The following SMAD2 variants were observed in gnomAD, a reference collection of about 807,000 sequenced individuals.
The protein encoded by SMAD2 is MAD homolog 2.
A neutral mutation model predicts 64.4 loss-of-function variants in SMAD2; 8 were observed. That is an observed-to-expected ratio of 0.12 (90% CI 0.07 to 0.22). SMAD2 has a LOEUF of 0.22. SMAD2 is among the 10% of genes least tolerant of loss of function. The pLI, the probability that SMAD2 is intolerant of heterozygous loss-of-function variation, is 1.00. For missense variants in SMAD2, 289 were observed against 561.2 expected, an observed-to-expected ratio of 0.51 and a Z score of 4.90; for synonymous variants, 203 against 195.8, an observed-to-expected ratio of 1.04 and a Z score of -0.31.
intron 1 of SMAD2, among the ~76,000 whole-genome samples, chr18:47,898,462 C>CA (rs1337432523): frequency 4.6e-5 from 7 of 152,174 alleles, no homozygotes; most frequent in Non-Finnish European, 7.4e-5. Flanking sequence ...AGGAAAAAAA[C>CA]AGTTTTTAAG....
chr18:47,909,635 A>G (rs2034043146), intron 1 of SMAD2, among the ~76,000 whole-genome samples: 3 of 152,168 alleles, frequency 2.0e-5, no homozygotes, highest in African/African-American at 7.2e-5. Flanking sequence ...CCTTCTCTAT[A>G]AAGCTGCTGA....
At chr18:47,849,811 C>T (rs983688874) in intron 7 of SMAD2, among the ~76,000 whole-genome samples, 1 of 151,862 alleles carries the variant, frequency 6.6e-6, no homozygotes, top group Non-Finnish European at 1.5e-5. Flanking sequence ...AGTTTGAGAC[C>T]AGCCTGGGCA....
chr18:47,857,998 A>T (rs2030862714), intron 6 of SMAD2, among the ~76,000 whole-genome samples: 3 of 152,198 alleles, frequency 2.0e-5, no homozygotes, highest in East Asian at 3.8e-4. Flanking sequence ...TTCCAACTCA[A>T]ATCCTAAGGG....
chr18:47,868,133 C>G, intron 5 of SMAD2, 190 bp downstream of exon 5: 1 of 582,196 alleles, frequency 1.7e-6, no homozygotes, highest in East Asian at 2.9e-5. Flanking sequence ...TAAAACTCTT[C>G]TCCAAACAAA....
rs1411265283 is a variant in SMAD2 at position 47,859,951 on chromosome 18, C to G, written c.730+5108G>C. Among the ~76,000 whole-genome samples, 4 of 152,084 alleles carry G rather than the reference C, an allele frequency of 2.6e-5. No homozygotes were observed. The East Asian group carries it at 7.7e-4, about 29-fold the overall frequency. On this transcript the variant is annotated intron_variant, in intron 6 of 10. Coordinates refer to ENST00000262160, the MANE Select transcript of SMAD2 (RefSeq NM_005901.6). ...CAATACATTCTCCAGCCTTGGCAAC[C>G]TGGTGAAATCCTATCTCTAAATAAA...
At chr18:47,927,453 G>A (rs1568124166) in intron 1 of SMAD2, among the ~76,000 whole-genome samples, 1 of 152,222 alleles carries the variant, frequency 6.6e-6, no homozygotes, top group East Asian at 1.9e-4. Context: ...AAACACTGGA[G>A]AATAGGGCAA....
At chr18:47,867,390 T>C (rs1053318567) in intron 5 of SMAD2, 5 of 152,164 alleles carry the variant, frequency 3.3e-5, no homozygotes, top group African/African-American at 1.2e-4. Context: ...GAATAAGCAT[T>C]ATTTCCATGA....
chr18:47,911,140 A>G (rs1414475987), intron 1 of SMAD2, among the ~76,000 whole-genome samples: 1 of 152,018 alleles, frequency 6.6e-6, no homozygotes, highest in Admixed American at 6.6e-5. Flanking sequence ...TCACGAGGTC[A>G]GGCATTCGAG....
At chr18:47,904,722 C>T (rs1364746025) in intron 1 of SMAD2, among the ~76,000 whole-genome samples, 4 of 152,130 alleles carry the variant, frequency 2.6e-5, no homozygotes, top group Admixed American at 6.5e-5. Flanking sequence ...ATTGGTTTAA[C>T]ATTCAAAAAT....
chr18:47,873,217 T>A (rs2032051990), intron 2 of SMAD2, among the ~76,000 whole-genome samples: 3 of 152,054 alleles, frequency 2.0e-5, no homozygotes, highest in Admixed American at 2.0e-4. Flanking sequence ...CCAATCCCCC[T>A]TAGATAGTGA....
chr18:47,898,661 A>ATT (rs36091117), intron 1 of SMAD2, among the ~76,000 whole-genome samples: 14 of 150,688 alleles, frequency 9.3e-5, no homozygotes, highest in South Asian at 2.1e-4. Context: ...TGGAAGAATA[A>ATT]TTTTTTTTTT....
At chr18:47,850,023 T>C (rs1468131420) in intron 7 of SMAD2, among the ~76,000 whole-genome samples, 1 of 149,840 alleles carries the variant, frequency 6.7e-6, no homozygotes, top group Non-Finnish European at 1.5e-5. Context: ...TAAATAAAAA[T>C]AAATACAATT....
chr18:47,918,818 G>T (rs1163880632), intron 1 of SMAD2, among the ~76,000 whole-genome samples: 1 of 152,068 alleles, frequency 6.6e-6, no homozygotes, highest in African/African-American at 2.4e-5. Flanking sequence ...AAGTAGAAAA[G>T]AAAGATGGGA....
rs1912250921 is a variant in SMAD2, at chr18:47,812,945, G to A, written c.*28882C>T. 1 of 152,248 alleles carries A rather than the reference G, an allele frequency of 6.6e-6. No individual in the cohort carries two copies. Among genetic ancestry groups the A allele is most frequent in the African/African-American group, 2.4e-5 (1 of 41,442 alleles). The allele number at this position is 152,248 out of a possible 1,614,324, so 9.4% of individuals were successfully genotyped here. A position where few individuals can be genotyped will look rare whatever the true frequency, so the allele number is the denominator to read the frequency against. On this transcript the variant is annotated 3_prime_UTR_variant, in exon 11 of 11. Coordinates refer to ENST00000262160, the MANE Select transcript of SMAD2 (RefSeq NM_005901.6). ...TTAAACTGGGTTCTGGCCAGGCAGG[G>A]TGACTCACACCTGTAATCCCAGCAG...
chr18:47,865,721 C>T (rs1598797149), intron 5 of SMAD2, among the ~76,000 whole-genome samples: 2 of 152,076 alleles, frequency 1.3e-5, no homozygotes, highest in African/African-American at 4.8e-5. Flanking sequence ...GTGTTTGAAG[C>T]AGAAAATTCA....
chr18:47,865,074 G>C lies in SMAD2; in HGVS notation c.715C>G (p.Gln239Glu). The C allele has an allele frequency of 1.2e-6, 2 of 1,602,578 alleles. No individual in the cohort carries two copies. The highest frequency in any genetic ancestry group is 1.7e-6 in the Non-Finnish European group (2 of 1,169,996). ...TTTTTTTTACCTGTGTCCATACTTT[G>C]ATTCAACTGTTGGTCACTTGTTTCT... The part of the protein sequence containing the change: ...DGETSDQQLN[Q>E]SMDTGSPAEL... Residue 239 changes from glutamine to glutamate, a missense_variant, in exon 6 of 11, where the codon CAA becomes GAA. By Grantham distance (29) the Gln-to-Glu change is conservative. Around this residue, in one of 6 missense-constraint regions of SMAD2, gnomAD observed 119 missense variants for 156.7 expected, o/e 0.76. Transcript: ENST00000262160.
At position 47,813,573 on chromosome 18, in the gene SMAD2, A is replaced by T; in HGVS notation, c.*28254T>A. ...AGGCACACACCACCACACCCGGCTAATTTTCTGCATTTTTAGTACAGATGG... is the reference window on the plus strand; with the variant it reads ...AGGCACACACCACCACACCCGGCTATTTTTCTGCATTTTTAGTACAGATGG... On this transcript the variant is annotated 3_prime_UTR_variant, in exon 11 of 11. Transcript: ENST00000262160. 9 of 151,204 alleles carry T rather than the reference A, an allele frequency of 6.0e-5. No individual in the cohort carries two copies. The highest frequency in any genetic ancestry group is 2.2e-4 in the African/African-American group (9 of 41,064). 9.4% of individuals were successfully genotyped at this position (151,204 alleles called of 1,614,324 possible).
chr18:47,863,203 G>A (rs1303070254), intron 6 of SMAD2, among the ~76,000 whole-genome samples: 1 of 152,206 alleles, frequency 6.6e-6, no homozygotes, highest in Non-Finnish European at 1.5e-5. Context: ...GCATCAGTCA[G>A]AATTGTTTCT....
intron 2 of SMAD2, among the ~76,000 whole-genome samples, chr18:47,889,969 A>T (rs1479302711): frequency 6.6e-6 from 1 of 152,186 alleles, no homozygotes; most frequent in Non-Finnish European, 1.5e-5. Flanking sequence ...ATTTAGGTAT[A>T]ATTTCAGTAA....
Sources: gnomAD v4.1 joint callset for allele counts (sites outside exome capture counted in the v4.1 genomes callset) on GRCh38, gnomAD v4.1.1 for gene constraint, gnomAD v4.1.1 regional missense constraint, MANE v1.5 for transcripts, NCBI Gene and HGNC (gene_info 2026-07-23, HGNC 2026-07-21) for gene names.